CCDC171: variants seen among roughly 807,000 people sequenced by gnomAD.
The protein encoded by CCDC171 is coiled-coil domain containing 171, also known as coiled-coil domain-containing protein 171.
A neutral mutation model predicts 168.2 loss-of-function variants in CCDC171; 177 were observed. That is an observed-to-expected ratio of 1.05 (90% CI 0.93 to 1.19). The LOEUF (loss-of-function observed/expected upper bound fraction) is 1.19. Ranked by LOEUF, CCDC171 falls within the 50% of genes most tolerant of loss-of-function variation. CCDC171 has a pLI of 0.00. For synonymous variants in CCDC171, 687 were observed against 540.8 expected (o/e 1.27, Z -3.75); for missense variants, 1,991 against 1,539.0 (o/e 1.29, Z -4.91).
At chr9:15,777,114 T>C (rs1048785825) in intron 18 of CCDC171, among the ~76,000 whole-genome samples, 45 of 152,228 alleles carry the variant, frequency 3.0e-4, no homozygotes, top group Non-Finnish European at 4.4e-4. Flanking sequence ...CCATGTTGGA[T>C]ATGCTGGGAC....
intron 7 of CCDC171, among the ~76,000 whole-genome samples, chr9:15,650,771 G>A (rs2047450939): frequency 6.6e-6 from 1 of 151,960 alleles, no homozygotes; most frequent in Non-Finnish European, 1.5e-5. Context: ...TGGGGTACAT[G>A]TGTTTTTTTT....
chr9:15,691,545 T>TG (rs56911977), intron 10 of CCDC171, among the ~76,000 whole-genome samples: 1 of 88,704 alleles, frequency 1.1e-5, no homozygotes, highest in Non-Finnish European at 2.2e-5. Context: ...ATATATGTTT[T>TG]TTATATATAT....
the CCDC171 span, among the ~76,000 whole-genome samples, chr9:16,098,207 A>G: frequency 6.6e-6 from 1 of 152,294 alleles, no homozygotes; most frequent in Non-Finnish European, 1.5e-5. Flanking sequence ...CCCCTAATGC[A>G]TAAAATGGGG....
chr9:15,745,283 A>T (rs947132049), intron 17 of CCDC171, among the ~76,000 whole-genome samples: 2 of 152,216 alleles, frequency 1.3e-5, no homozygotes, highest in African/African-American at 4.8e-5. Context: ...ACTATTAAGT[A>T]ATATAAGTAA....
the CCDC171 span, among the ~76,000 whole-genome samples, chr9:16,104,259 C>A: frequency 2.0e-5 from 3 of 152,154 alleles, no homozygotes; most frequent in South Asian, 6.2e-4. Flanking sequence ...CTCCTCTAAG[C>A]TCCCCCTTCC....
intron 10 of CCDC171, among the ~76,000 whole-genome samples, chr9:15,688,616 A>G (rs1587969411): frequency 6.6e-6 from 1 of 152,344 alleles, no homozygotes; most frequent in East Asian, 1.9e-4. Context: ...GATTATCTCA[A>G]TAGACACAGA....
chr9:15,561,574 A>G (rs555264493), intron 1 of CCDC171, among the ~76,000 whole-genome samples: 21 of 152,240 alleles, frequency 1.4e-4, no homozygotes, highest in African/African-American at 4.6e-4. Flanking sequence ...TTTCATTACT[A>G]TCCTGTAACT....
At chr9:15,773,894 C>T (rs962800885) in intron 18 of CCDC171, among the ~76,000 whole-genome samples, 7 of 151,958 alleles carry the variant, frequency 4.6e-5, no homozygotes, top group Non-Finnish European at 7.4e-5. Flanking sequence ...TCTATACATC[C>T]GACAAAGGAC....
chr9:16,057,830 G>C (rs189214159), intron 1 of CCDC171, among the ~76,000 whole-genome samples: 6 of 152,268 alleles, frequency 3.9e-5, no homozygotes, highest in African/African-American at 1.4e-4. Flanking sequence ...CAGTGGACAC[G>C]GCATCAGAGA....
At chr9:15,892,127 T>C (rs1384854062) in intron 24 of CCDC171, among the ~76,000 whole-genome samples, 1 of 152,176 alleles carries the variant, frequency 6.6e-6, no homozygotes, top group Non-Finnish European at 1.5e-5. Context: ...GAATCAGATA[T>C]AGGATCATGT....
At chr9:15,676,851 T>C (rs1308172195) in intron 9 of CCDC171, among the ~76,000 whole-genome samples, 2 of 152,182 alleles carry the variant, frequency 1.3e-5, no homozygotes, top group African/African-American at 4.8e-5. Context: ...TAGTCCACGT[T>C]TTCCTCTGGA....
In CCDC171 at chr9:15,836,347, G is replaced by C. The variant is rs78077146; in HGVS notation, c.3268-10355G>C. On this transcript the variant is annotated intron_variant, in intron 21 of 25. Coordinates refer to ENST00000380701, the MANE Select transcript of CCDC171 (RefSeq NM_173550.4). ...CTTTATCTGGAACGCTGTTGGTCTT[G>C]TTTTATTTTATTTATTTATTTTTGT... Among the ~76,000 whole-genome samples, 1,469 of 152,100 alleles carry C rather than the reference G, an allele frequency of 9.7e-3. 27 individuals carry two copies. The highest frequency in any genetic ancestry group is 0.034 in the African/African-American group (1,401 of 41,510).
At chr9:15,654,463 T>C (rs2047765822) in intron 7 of CCDC171, among the ~76,000 whole-genome samples, 1 of 152,240 alleles carries the variant, frequency 6.6e-6, no homozygotes, top group African/African-American at 2.4e-5. Context: ...ATAGTCATTA[T>C]GGGAATGATT....
chr9:15,678,697 G>T (rs930357514), intron 9 of CCDC171, 61 bp from the exon 10 acceptor site: 18 of 1,394,070 alleles, frequency 1.3e-5, no homozygotes, highest in Admixed American at 2.3e-5. Flanking sequence ...TATTAAAGGT[G>T]TGTAATATCA....
At chr9:15,987,936 A>G (rs894942375) in intron 3 of CCDC171, among the ~76,000 whole-genome samples, 1 of 152,214 alleles carries the variant, frequency 6.6e-6, no homozygotes, top group Admixed American at 6.5e-5. Flanking sequence ...ACACTGAACC[A>G]TTGGGAAAAA....
At chr9:16,065,153 A>G (rs754310544), downstream of CCDC171, among the ~76,000 whole-genome samples, 1 of 152,166 alleles carries the variant, frequency 6.6e-6, no homozygotes, top group Non-Finnish European at 1.5e-5. Context: ...GCCACTTACC[A>G]AAGTTGCTGA....
At chr9:15,644,503 C>G (rs1221072188) in intron 7 of CCDC171, among the ~76,000 whole-genome samples, 1 of 152,184 alleles carries the variant, frequency 6.6e-6, no homozygotes, top group Non-Finnish European at 1.5e-5. Context: ...CTAAGGGAAG[C>G]TGTGACAGAT....
chr9:15,833,523 C>G (rs1302486914), intron 21 of CCDC171, among the ~76,000 whole-genome samples: 2 of 152,114 alleles, frequency 1.3e-5, no homozygotes, highest in Non-Finnish European at 2.9e-5. Flanking sequence ...ATAATTTTCT[C>G]TGTAATTAGT....
intron 6 of CCDC171, among the ~76,000 whole-genome samples, chr9:16,031,416 A>G (rs1377126198): frequency 6.6e-6 from 1 of 152,242 alleles, no homozygotes; most frequent in Non-Finnish European, 1.5e-5. Context: ...GGTAAGTTGT[A>G]TATATACCAA....
Sources: allele counts gnomAD v4.1 joint callset (sites outside exome capture counted in the v4.1 genomes callset), GRCh38; gene constraint gnomAD v4.1.1; transcripts MANE v1.5; gene names NCBI Gene and HGNC (gene_info 2026-07-23, HGNC 2026-07-21).